Variants in MYO1F observed in about 807,000 individuals in gnomAD.
The protein encoded by MYO1F is myosin IF.
MYO1F carries 60 observed loss-of-function variants against 146.6 expected under a neutral mutation model. That is an observed-to-expected ratio of 0.41 (90% CI 0.33 to 0.51). The LOEUF is 0.51. Among genes scored for constraint, MYO1F ranks in the 20% least tolerant of loss-of-function variants. The pLI is 0.25. For synonymous variants in MYO1F, 602 were observed against 602.1 expected, an observed-to-expected ratio of 1.00 and a Z score of 0.00; for missense variants, 1,274 against 1,534.3, an observed-to-expected ratio of 0.83 and a Z score of 2.83.
intron 15 of MYO1F, 56 bp from the exon 16 acceptor site, chr19:8,540,084 C>G: frequency 6.9e-7 from 1 of 1,450,778 alleles, no homozygotes; most frequent in South Asian, 1.2e-5. Flanking sequence ...TTCGGGTACT[C>G]TTCCTCCAGG....
intron 14 of MYO1F, among the ~76,000 whole-genome samples, chr19:8,542,358 G>A (rs1210705110): frequency 3.4e-5 from 5 of 147,958 alleles, no homozygotes; most frequent in African/African-American, 5.0e-5. Flanking sequence ...GCAGCCTGGC[G>A]GGGGGGTCCC....
At chr19:8,560,761 C>A (rs1340038052) in intron 1 of MYO1F, among the ~76,000 whole-genome samples, 1 of 83,706 alleles carries the variant, frequency 1.2e-5, no homozygotes, top group Non-Finnish European at 2.5e-5. Flanking sequence ...TTTTTTGAGA[C>A]AGAGTCTTGC....
intron 19 of MYO1F, among the ~76,000 whole-genome samples, chr19:8,535,973 G>C (rs1012244793): frequency 6.6e-6 from 1 of 152,046 alleles, no homozygotes; most frequent in Admixed American, 6.6e-5. Context: ...GAGCCACCGC[G>C]CCCGGCAGTC....
chr19:8,523,368 A>T (rs1381258488), intron 25 of MYO1F, among the ~76,000 whole-genome samples: 1 of 151,888 alleles, frequency 6.6e-6, no homozygotes, highest in Admixed American at 6.6e-5. Context: ...ATTTTGAGAC[A>T]TGGTCTCACT....
chr19:8,544,120 G>T lies in MYO1F; in HGVS notation c.1524+177C>A, dbSNP rs1973228130. ...AGTTCCTGGGGGGTCAGCCGGAAGGGTCTGTAGTTCTGGTTAGTAGGGGGT... is the reference window on the plus strand; with the variant it reads ...AGTTCCTGGGGGGTCAGCCGGAAGGTTCTGTAGTTCTGGTTAGTAGGGGGT... On this transcript the variant is annotated intron_variant, in intron 14 of 27. Transcript: ENST00000644032. The T allele has an allele frequency of 9.8e-6, 7 of 714,232 alleles. No homozygotes were observed. In the South Asian group the frequency reaches 9.9e-5, roughly 10 times the overall value. The allele number at this position is 714,232 out of a possible 1,614,324, so 44.2% of individuals were successfully genotyped here.
chr19:8,574,597 CTTTCTTTCTTTCTT>C (rs376943344), intron 1 of MYO1F, among the ~76,000 whole-genome samples: 761 of 64,900 alleles, frequency 0.012, 13 homozygotes, highest in Middle Eastern at 0.023. Flanking sequence ...CTCTCTCTCT[CTTTCTTTCTTTCTT>C]TCTTTCTTTC....
rs1328889494 is a variant in MYO1F, at chr19:8,545,750, G to A, written c.1270-14C>T. The A allele has an allele frequency of 6.2e-7, 1 of 1,606,194 alleles. No individual in the cohort carries two copies. Among genetic ancestry groups the A allele is most frequent in the South Asian group, 1.1e-5 (1 of 90,902 alleles). ...CACATACTCCTCCTGGGGTGGAAAAGGGGGTGGATGTGGGGGCCAGTGAAA... is the reference window on the plus strand; with the variant it reads ...CACATACTCCTCCTGGGGTGGAAAAAGGGGTGGATGTGGGGGCCAGTGAAA... On this transcript the variant is annotated splice_polypyrimidine_tract_variant and intron_variant, in intron 12 of 27. Transcript: ENST00000644032.
rs556773318 is a variant in MYO1F at position 8,550,428 on chromosome 19, A to G, written c.905-72T>C. 33 of 1,586,490 alleles carry G rather than the reference A, an allele frequency of 2.1e-5. 1 individual carries two copies. The South Asian group carries it at 2.5e-4, about 12-fold the overall frequency. ...CTTGTGCCTCCTGCATGGGCCTCCT[A>G]TTATCCCCATCTTGCCCAGTGACAC... On this transcript the variant is annotated intron_variant, in intron 9 of 27. Coordinates refer to ENST00000644032, the MANE Select transcript of MYO1F (RefSeq NM_012335.4).
chr19:8,555,835 G>A (rs774970775), intron 1 of MYO1F, 39 bp from the exon 2 acceptor site: 8 of 1,587,888 alleles, frequency 5.0e-6, no homozygotes, highest in South Asian at 1.1e-5. Flanking sequence ...GCCCTTGCAC[G>A]GGGATGCGGC....
chr19:8,525,791 C>G (rs1342487065), intron 24 of MYO1F, among the ~76,000 whole-genome samples: 1 of 152,154 alleles, frequency 6.6e-6, no homozygotes, highest in Non-Finnish European at 1.5e-5. Flanking sequence ...TTAGGTCACT[C>G]CTTCATCACT....
chr19:8,554,127 T>C (rs970558802), intron 4 of MYO1F, among the ~76,000 whole-genome samples: 2 of 151,932 alleles, frequency 1.3e-5, no homozygotes, highest in Admixed American at 1.3e-4. Flanking sequence ...GTCCGGCTAA[T>C]TATTATCTAT....
At chr19:8,561,829 G>A (rs1471709005) in intron 1 of MYO1F, among the ~76,000 whole-genome samples, 1 of 151,368 alleles carries the variant, frequency 6.6e-6, no homozygotes, top group Non-Finnish European at 1.5e-5. Flanking sequence ...CGATTCTTCT[G>A]CCTCAGCCTC....
At chr19:8,535,984 G>T (rs961625159) in intron 19 of MYO1F, among the ~76,000 whole-genome samples, 2 of 151,872 alleles carry the variant, frequency 1.3e-5, no homozygotes, top group Non-Finnish European at 2.9e-5. Context: ...CCCGGCAGTC[G>T]CAGTCTTTCT....
chr19:8,541,690 A>G (rs1972978839), intron 15 of MYO1F: 10 of 577,296 alleles, frequency 1.7e-5, no homozygotes, highest in South Asian at 1.7e-4. Context: ...CGGCCTCCCA[A>G]AGTGCTGGGA....
chr19:8,530,649 C>T lies in MYO1F; in HGVS notation c.2044-76G>A. 8.8e-7 allele frequency: 1 copy of T among 1,133,250 alleles called. No homozygotes were observed. The highest frequency in any genetic ancestry group is 1.3e-6 in the Non-Finnish European group (1 of 756,284). 70.2% of individuals were successfully genotyped at this position (1,133,250 alleles called of 1,614,324 possible). The stretch of plus-strand genomic sequence containing the variant: ...GCTGCAGTTCCGGGTTTTCCCTGCG[C>T]TCACCCTACTCACACGCTTTTGCTC... On this transcript the variant is annotated intron_variant, in intron 19 of 27. Coordinates refer to ENST00000644032, the MANE Select transcript of MYO1F (RefSeq NM_012335.4). This position sits in a 1 kb window ranked among gnomAD's most constrained non-coding sequence, Gnocchi z 5.8.
chr19:8,530,224 G>C lies in MYO1F; in HGVS notation c.2300C>G (p.Ser767Trp), dbSNP rs780966187. ...GKRERVDFADSVTKYDRRFKP... is the reference protein window; with the variant it reads ...GKRERVDFADWVTKYDRRFKP... ...GAAGCGGCGGTCGTACTTGGTGACC[G>C]AATCGGCGAAGTCCACCCGCTCCCT... The change falls in exon 21 of 28, where the codon TCG becomes TGG. Residue 767 changes from serine to tryptophan, a missense_variant. Ser to Trp is a radical substitution (Grantham distance 177, BLOSUM62 -3). Transcript: ENST00000644032. The surrounding 1 kb of genome is among the most constrained non-coding windows in gnomAD (Gnocchi z 5.8). 3.1e-5 allele frequency: 50 copies of C among 1,613,908 alleles called. No homozygotes were observed. The highest frequency in any genetic ancestry group is 4.1e-5 in the Non-Finnish European group (48 of 1,179,994).
rs1450181777 is a variant in MYO1F at position 8,567,861 on chromosome 19, CCTTTGGGGGCCA to C, written c.3+9434_3+9445del. Among the ~76,000 whole-genome samples the C allele has an allele frequency of 2.6e-5, 4 of 152,154 alleles. No homozygotes were observed. In the East Asian group the frequency reaches 7.7e-4, roughly 29 times the overall value. On this transcript the variant is annotated intron_variant, in intron 1 of 27. Transcript: ENST00000644032. ...AAGATGGGTCATGTCTACAATTTCC[CCTTTGGGGGCCA>C]GTGCAGGCTTCAGCCTGCCAGGCCA...
intron 1 of MYO1F, among the ~76,000 whole-genome samples, chr19:8,562,075 C>T (rs1974161119): frequency 1.3e-5 from 2 of 151,558 alleles, no homozygotes; most frequent in South Asian, 4.2e-4. Flanking sequence ...TGCTCTGTCG[C>T]CCAGGCTGAA....
chr19:8,526,415 G>A, intron 24 of MYO1F, 38 bp downstream of exon 24: 1 of 1,547,946 alleles, frequency 6.5e-7, no homozygotes, highest in Non-Finnish European at 8.7e-7. Context: ...CAGCCTCGCT[G>A]GCCCCGCCCC....
Sources: allele counts gnomAD v4.1 joint callset (sites outside exome capture counted in the v4.1 genomes callset), GRCh38; gene constraint gnomAD v4.1.1; non-coding constraint Gnocchi (gnomAD v3.1); transcripts MANE v1.5; gene names NCBI Gene and HGNC (gene_info 2026-07-23, HGNC 2026-07-21).